LGR5: variants seen among roughly 807,000 people sequenced by gnomAD.
LGR5 encodes the protein leucine-rich repeat-containing G protein-coupled receptor 5.
In LGR5, 54 loss-of-function variants were observed where a neutral mutation model predicts 76.7. That is an observed-to-expected ratio of 0.70 (90% CI 0.57 to 0.88). The LOEUF is 0.88. Ranked by LOEUF, LGR5 falls within the 40% of genes least tolerant of loss-of-function variation. LGR5 has a pLI of 0.00. For synonymous variants in LGR5, 406 were observed against 421.9 expected (o/e 0.96, Z 0.46); for missense variants, 1,078 against 1,073.3 (o/e 1.00, Z -0.06).
chr12:71,523,190 A>T (rs1875809909), intron 2 of LGR5, among the ~76,000 whole-genome samples: 1 of 152,214 alleles, frequency 6.6e-6, no homozygotes, highest in Non-Finnish European at 1.5e-5. Flanking sequence ...AAGTTATATA[A>T]GAAATGGCTT....
chr12:71,583,346 T>TA (rs1399710066), intron 17 of LGR5: 7 of 311,072 alleles, frequency 2.3e-5, no homozygotes, highest in Admixed American at 4.5e-5. Flanking sequence ...TCTGGCTTTT[T>TA]ACCTGGCTCC....
chr12:71,570,899 C>G (rs754315121), intron 11 of LGR5, among the ~76,000 whole-genome samples: 8 of 152,076 alleles, frequency 5.3e-5, no homozygotes, highest in Non-Finnish European at 1.2e-4. Flanking sequence ...ATCTATGTTA[C>G]GTTATCTACC....
intron 1 of LGR5, among the ~76,000 whole-genome samples, chr12:71,485,544 C>T (rs1029126650): frequency 2.0e-5 from 3 of 151,888 alleles, no homozygotes; most frequent in Non-Finnish European, 4.4e-5. Context: ...TATTGAGACG[C>T]CATCTCTGCA....
intron 3 of LGR5, among the ~76,000 whole-genome samples, chr12:71,532,267 C>G (rs1205201009): frequency 2.0e-5 from 3 of 152,026 alleles, no homozygotes; most frequent in Non-Finnish European, 4.4e-5. Flanking sequence ...TGTAAAATAA[C>G]AATAAAATAA....
At chr12:71,504,785 A>C in intron 2 of LGR5, 100 bp downstream of exon 2, 2 of 1,001,066 alleles carry the variant, frequency 2.0e-6, no homozygotes, top group South Asian at 2.6e-5. Flanking sequence ...ACAAGGCAGA[A>C]AACCTGTCAG....
At chr12:71,444,869 T>C (rs1871913107) in intron 1 of LGR5, among the ~76,000 whole-genome samples, 1 of 152,154 alleles carries the variant, frequency 6.6e-6, no homozygotes, top group Non-Finnish European at 1.5e-5. Context: ...CCAATAAAGC[T>C]ATCAAAATTA....
chr12:71,573,922 A>AAAG (rs1039023584), intron 13 of LGR5, among the ~76,000 whole-genome samples: 5 of 150,942 alleles, frequency 3.3e-5, no homozygotes, highest in Admixed American at 6.6e-5. Flanking sequence ...TTAAAAAAAA[A>AAAG]AAGTGTAAAA....
intron 1 of LGR5, among the ~76,000 whole-genome samples, chr12:71,453,928 G>T (rs1216651840): frequency 6.6e-6 from 1 of 152,046 alleles, no homozygotes; most frequent in South Asian, 2.1e-4. Flanking sequence ...CCTGAGAATA[G>T]TAGGTATCAA....
At chr12:71,559,442 G>A in intron 6 of LGR5, 144 bp from the exon 7 acceptor site, 1 of 582,610 alleles carries the variant, frequency 1.7e-6, no homozygotes, top group South Asian at 2.3e-5. Context: ...AGCAAGCCAA[G>A]AAAATCTCTT....
At chr12:71,455,396 G>C (rs1426166009) in intron 1 of LGR5, among the ~76,000 whole-genome samples, 1 of 152,102 alleles carries the variant, frequency 6.6e-6, no homozygotes, top group Non-Finnish European at 1.5e-5. Context: ...GGCAGGTGTA[G>C]CAGGATTGTA....
chr12:71,483,473 C>T (rs149916554), intron 1 of LGR5, among the ~76,000 whole-genome samples: 2 of 152,122 alleles, frequency 1.3e-5, no homozygotes, highest in Admixed American at 1.3e-4. Flanking sequence ...TCTGGGGTAC[C>T]TCCTCATGTG....
Position 71,440,425 on chromosome 12 carries a change from G to C in LGR5, c.212+133G>C. 1 of 822,102 alleles carries C rather than the reference G, an allele frequency of 1.2e-6. No individual in the cohort carries two copies. The highest frequency in any genetic ancestry group is 2.1e-5 in the Admixed American group (1 of 48,402). The allele number at this position is 822,102 out of a possible 1,614,324, so 50.9% of individuals were successfully genotyped here. ...GGGCGAGTTTGTCAAGGGCATCCTG[G>C]CCAGGCCTGTTAGGGCCCCCAGAGA... is the stretch of plus-strand genomic sequence containing the variant. On this transcript the variant is annotated intron_variant, in intron 1 of 17. Transcript: ENST00000266674. The surrounding 1 kb of genome is among the most constrained non-coding windows in gnomAD (Gnocchi z 5.3).
At chr12:71,442,738 C>T (rs553193235) in intron 1 of LGR5, among the ~76,000 whole-genome samples, 114 of 152,258 alleles carry the variant, frequency 7.5e-4, no homozygotes, top group Non-Finnish European at 1.2e-3. Context: ...ACCAGAGGAA[C>T]GCTGTGCAGA....
chr12:71,505,075 G>T (rs1874789872), intron 2 of LGR5, among the ~76,000 whole-genome samples: 1 of 152,154 alleles, frequency 6.6e-6, no homozygotes, highest in African/African-American at 2.4e-5. Flanking sequence ...AAAAACTGCT[G>T]CTTGGTTCGG....
intron 1 of LGR5, 152 bp from the exon 2 acceptor site, chr12:71,504,462 A>G: frequency 1.4e-6 from 1 of 727,210 alleles, no homozygotes; most frequent in East Asian, 2.5e-5. Context: ...GAGAAAAGGA[A>G]TTAATATTTA....
At position 71,572,837 on chromosome 12, in the gene LGR5, C is replaced by T. The variant is rs377506764; in HGVS notation, c.1137-13C>T. On this transcript the variant is annotated splice_polypyrimidine_tract_variant and intron_variant, in intron 12 of 17. Coordinates refer to ENST00000266674, the MANE Select transcript of LGR5 (RefSeq NM_003667.4). The stretch of plus-strand genomic sequence containing the variant: ...TAACTTTGAAATCAATCTTTGGAAC[C>T]CTGTCATTTCAGTGACCTAAGACAT... 9 of 1,607,348 alleles carry T rather than the reference C, an allele frequency of 5.6e-6. No homozygotes were observed. The highest frequency in any genetic ancestry group is 6.8e-6 in the Non-Finnish European group (8 of 1,174,380).
intron 8 of LGR5, among the ~76,000 whole-genome samples, 179 bp downstream of exon 8, chr12:71,562,031 A>G (rs1238049546): frequency 1.3e-5 from 2 of 152,230 alleles, no homozygotes; most frequent in Admixed American, 1.3e-4. Context: ...GAAATAATAT[A>G]AAAGATTTTT....
intron 4 of LGR5, among the ~76,000 whole-genome samples, chr12:71,540,169 G>A (rs1405560): frequency 0.64 from 96,783 of 151,940 alleles, 31,021 homozygotes; most frequent in East Asian, 0.86. Flanking sequence ...TTAAAAAATT[G>A]CTTCATTTGT....
At chr12:71,550,770 C>T (rs1219718698) in intron 4 of LGR5, among the ~76,000 whole-genome samples, 1 of 152,068 alleles carries the variant, frequency 6.6e-6, no homozygotes, top group Non-Finnish European at 1.5e-5. Flanking sequence ...AGCCACCACT[C>T]ATACTTTCAA....
Sources: allele counts gnomAD v4.1 joint callset (sites outside exome capture counted in the v4.1 genomes callset), GRCh38; gene constraint gnomAD v4.1.1; non-coding constraint Gnocchi (gnomAD v3.1); transcripts MANE v1.5; gene names NCBI Gene and HGNC (gene_info 2026-07-23, HGNC 2026-07-21).